Variants in LIN54 observed in about 807,000 individuals in gnomAD.
LIN54 encodes protein lin-54 homolog.
Under a neutral mutation model 78.7 loss-of-function variants are expected in LIN54, and 9 were observed. The observed-to-expected ratio is 0.11, with a 90% CI of 0.07 to 0.20. The LOEUF (loss-of-function observed/expected upper bound fraction) is 0.20. Among genes scored for constraint, LIN54 ranks in the 10% least tolerant of loss-of-function variants. LIN54 has a pLI of 1.00. For missense variants in LIN54, 573 were observed against 889.9 expected (o/e 0.64, Z 4.53); for synonymous variants, 269 against 318.4 (o/e 0.84, Z 1.65).
chr4:82,984,033 T>C (rs532499940), intron 2 of LIN54, 128 bp downstream of exon 2: 7 of 675,456 alleles, frequency 1.0e-5, no homozygotes, highest in Non-Finnish European at 1.7e-5. Context: ...CACACACAAT[T>C]ACATAAAACA....
At chr4:82,984,024 A>G in intron 2 of LIN54, 137 bp downstream of exon 2, 1 of 644,618 alleles carries the variant, frequency 1.6e-6, no homozygotes, top group South Asian at 2.2e-5. Flanking sequence ...AAAAACACAC[A>G]CACACAATTA....
rs1004582372 is a variant in LIN54, at chr4:82,925,199, A to G, written c.*2903T>C. 6.6e-6 allele frequency: 1 copy of G among 152,536 alleles called. No individual in the cohort carries two copies. Among genetic ancestry groups the G allele is most frequent in the Non-Finnish European group, 1.5e-5 (1 of 68,010 alleles). The allele number at this position is 152,536 out of a possible 1,614,324, so 9.4% of individuals were successfully genotyped here. ...AACATTTCACATTAAAAGACAGAGTAGATTGATTTTCTAGGTATTTTTGTT... is the reference window on the plus strand; with the variant it reads ...AACATTTCACATTAAAAGACAGAGTGGATTGATTTTCTAGGTATTTTTGTT... On this transcript the variant is annotated 3_prime_UTR_variant, in exon 13 of 13. Coordinates refer to ENST00000340417, the MANE Select transcript of LIN54 (RefSeq NM_194282.4).
intron 1 of LIN54, among the ~76,000 whole-genome samples, chr4:82,999,100 T>C (rs1271806009): frequency 6.6e-6 from 1 of 152,206 alleles, no homozygotes. Context: ...TGTTTCCACA[T>C]GAGCAGTTCC....
At chr4:82,947,497 A>G (rs1723501416) in intron 4 of LIN54, among the ~76,000 whole-genome samples, 2 of 150,544 alleles carry the variant, frequency 1.3e-5, no homozygotes, top group South Asian at 2.1e-4. Flanking sequence ...GGCTCAAGCA[A>G]TCCTCCTACC....
upstream of LIN54, chr4:83,012,023 T>C (rs572026330): frequency 1.7e-5 from 17 of 985,298 alleles, no homozygotes; most frequent in East Asian, 1.6e-3. Flanking sequence ...CCCTACCTTG[T>C]TTCAATGGCA....
At chr4:83,011,943 G>A, upstream of LIN54, 1 of 728,244 alleles carries the variant, frequency 1.4e-6, no homozygotes, top group Non-Finnish European at 1.7e-6. Flanking sequence ...TGCGAACAGG[G>A]CCACTCTACT....
intron 4 of LIN54, 93 bp downstream of exon 4, chr4:82,970,234 A>C: frequency 8.8e-7 from 1 of 1,142,496 alleles, no homozygotes; most frequent in Non-Finnish European, 1.3e-6. Context: ...CTTGCTTGGG[A>C]ATGTACTAAA....
At chr4:83,004,398 C>CAAAAAAAAAAAA (rs34722830) in intron 1 of LIN54, among the ~76,000 whole-genome samples, 1 of 100,946 alleles carries the variant, frequency 9.9e-6, no homozygotes, top group Non-Finnish European at 1.9e-5. Flanking sequence ...GACTCCGTTG[C>CAAAAAAAAAAAA]AAAAAAAAAA....
chr4:83,011,814 A>G (rs1235361693), upstream of LIN54, among the ~76,000 whole-genome samples: 1 of 150,674 alleles, frequency 6.6e-6, no homozygotes, highest in Non-Finnish European at 1.5e-5. Flanking sequence ...TCAGCATTAA[A>G]AAAAAAAAAA....
intron 4 of LIN54, among the ~76,000 whole-genome samples, chr4:82,965,385 C>G (rs1476959523): frequency 1.3e-5 from 2 of 152,002 alleles, no homozygotes; most frequent in Non-Finnish European, 2.9e-5. Context: ...AACAACAAAC[C>G]TAGTAACATT....
At chr4:82,960,735 A>G (rs995375218) in intron 4 of LIN54, among the ~76,000 whole-genome samples, 6 of 152,102 alleles carry the variant, frequency 3.9e-5, no homozygotes, top group African/African-American at 1.4e-4. Context: ...ATCCCGTGGT[A>G]CCTTTAAGAT....
At position 82,948,517 on chromosome 4, in the gene LIN54, C is replaced by T. The variant is rs181970037; in HGVS notation, c.952-2043G>A. 9.2e-5 allele frequency among the ~76,000 whole-genome samples: 14 copies of T among 152,150 alleles called. No homozygotes were observed. In the East Asian group the frequency reaches 1.9e-3, roughly 21 times the overall value. On this transcript the variant is annotated intron_variant, in intron 4 of 12. Coordinates refer to ENST00000340417, the MANE Select transcript of LIN54 (RefSeq NM_194282.4). ...GTATAATGAAGCAAATCAATATATC[C>T]ATCATCTTGCATAGTTGTCCATTTT...
chr4:83,006,448 CAAAA>C (rs1186424720), intron 1 of LIN54, among the ~76,000 whole-genome samples: 1 of 60,050 alleles, frequency 1.7e-5, no homozygotes. Context: ...GACTCCGTCT[CAAAA>C]AAAAAAAAAA....
chr4:82,956,472 T>A (rs1205410737), intron 4 of LIN54, among the ~76,000 whole-genome samples: 4 of 151,722 alleles, frequency 2.6e-5, no homozygotes, highest in African/African-American at 9.7e-5. Context: ...GCCCAGGAGT[T>A]CAAGACCAGC....
At chr4:83,007,307 C>T (rs141415824) in intron 1 of LIN54, among the ~76,000 whole-genome samples, 146 of 152,022 alleles carry the variant, frequency 9.6e-4, no homozygotes, top group African/African-American at 3.4e-3. Context: ...GCCTATAAAA[C>T]TGAACAAATA....
intron 1 of LIN54, among the ~76,000 whole-genome samples, chr4:82,989,543 A>T (rs1179854245): frequency 6.6e-6 from 1 of 152,186 alleles, no homozygotes; most frequent in African/African-American, 2.4e-5. Flanking sequence ...TTTAGTTCCT[A>T]TATCCAACAG....
chr4:82,970,404 C>T lies in LIN54; in HGVS notation c.874G>A (p.Val292Ile). ...GTAGAATTTAAAGTTGATCCAATAA[C>T]ACCACTTTCAGATATTGTTATGGTC... Reference protein sequence around the residue: ...SKTITISESGVIGSTLNSTTQ... With the variant: ...SKTITISESGIIGSTLNSTTQ... Residue 292 changes from valine (V) to isoleucine (I), a missense_variant, in exon 4 of 13, where the codon GTT becomes ATT. Val to Ile is a conservative substitution (Grantham distance 29, BLOSUM62 3). Transcript: ENST00000340417. The T allele has an allele frequency of 6.2e-7, 1 of 1,613,118 alleles. No individual in the cohort carries two copies. The highest frequency in any genetic ancestry group is 8.5e-7 in the Non-Finnish European group (1 of 1,179,334).
intron 9 of LIN54, 131 bp from the exon 10 acceptor site, chr4:82,936,512 C>A (rs1013318220): frequency 3.9e-5 from 21 of 534,702 alleles, no homozygotes; most frequent in Non-Finnish European, 5.4e-5. Flanking sequence ...ATCTACTCAG[C>A]TACCCAGTTA....
intron 1 of LIN54, among the ~76,000 whole-genome samples, chr4:82,990,863 C>A (rs1727629961): frequency 6.6e-6 from 1 of 152,086 alleles, no homozygotes; most frequent in Admixed American, 6.6e-5. Flanking sequence ...TTATACTGGA[C>A]AATAAGCAAA....
Sources: gnomAD v4.1 joint callset for allele counts (sites outside exome capture counted in the v4.1 genomes callset) on GRCh38, gnomAD v4.1.1 for gene constraint, MANE v1.5 for transcripts, NCBI Gene and HGNC (gene_info 2026-07-23, HGNC 2026-07-21) for gene names.